PGGT1B: variants seen among roughly 807,000 people sequenced by gnomAD.
PGGT1B encodes the protein protein geranylgeranyltransferase type I subunit beta.
Under a neutral mutation model 46.1 loss-of-function variants are expected in PGGT1B, and 30 were observed. The ratio of observed to expected loss-of-function variants is 0.65; its 90% CI spans 0.49 to 0.88. The LOEUF is 0.88. PGGT1B is among the 40% of genes least tolerant of loss of function. The probability of loss-of-function intolerance (pLI) is 0.00; values close to 1 mark genes in which losing one functional copy is unlikely to be tolerated. For missense variants in PGGT1B, 376 were observed against 455.9 expected (o/e 0.82, Z 1.60); for synonymous variants, 170 against 160.0 (o/e 1.06, Z -0.47).
intron 5 of PGGT1B, among the ~76,000 whole-genome samples, chr5:115,232,697 C>T (rs991570358): frequency 6.6e-6 from 1 of 151,902 alleles, no homozygotes; most frequent in Admixed American, 6.6e-5. Context: ...ATCATTTCAG[C>T]TTGTGTGGTT....
chr5:115,234,935 C>G (rs2127008778), intron 5 of PGGT1B, among the ~76,000 whole-genome samples: 1 of 152,110 alleles, frequency 6.6e-6, no homozygotes, highest in East Asian at 1.9e-4. Flanking sequence ...GAGAAAAGGC[C>G]TAGAAGTAAT....
At chr5:115,258,213 A>G (rs72813840) in intron 1 of PGGT1B, among the ~76,000 whole-genome samples, 6,340 of 152,272 alleles carry the variant, frequency 0.042, 136 homozygotes, top group South Asian at 0.058. Flanking sequence ...TACATGAATC[A>G]TCTTCTTCCT....
At chr5:115,255,240 T>C (rs1748263553) in intron 1 of PGGT1B, among the ~76,000 whole-genome samples, 2 of 152,158 alleles carry the variant, frequency 1.3e-5, no homozygotes. Flanking sequence ...GCCTTTTCTA[T>C]AGACTCTTGG....
At chr5:115,261,008 T>C (rs1748534161) in intron 1 of PGGT1B, among the ~76,000 whole-genome samples, 1 of 152,236 alleles carries the variant, frequency 6.6e-6, no homozygotes, top group Non-Finnish European at 1.5e-5. Flanking sequence ...AATCACAATT[T>C]AATCAGCTCA....
chr5:115,251,487 T>A (rs572387235), intron 2 of PGGT1B, among the ~76,000 whole-genome samples: 1 of 151,872 alleles, frequency 6.6e-6, no homozygotes, highest in Admixed American at 6.6e-5. Context: ...GACCAAAAAA[T>A]TGCTCAATTA....
At chr5:115,242,318 T>G (rs976444067) in intron 2 of PGGT1B, among the ~76,000 whole-genome samples, 45 of 152,140 alleles carry the variant, frequency 3.0e-4, no homozygotes, top group African/African-American at 1.1e-3. Flanking sequence ...ATACAACAAT[T>G]ATGGTTTTAA....
chr5:115,232,532 C>G (rs1312741634), intron 5 of PGGT1B, among the ~76,000 whole-genome samples: 1 of 151,960 alleles, frequency 6.6e-6, no homozygotes, highest in African/African-American at 2.4e-5. Context: ...ACTGATTTTA[C>G]TATTTAAAAC....
At chr5:115,260,833 T>C (rs1210865933) in intron 1 of PGGT1B, among the ~76,000 whole-genome samples, 1 of 152,182 alleles carries the variant, frequency 6.6e-6, no homozygotes, top group Non-Finnish European at 1.5e-5. Context: ...TTGTGCTGTT[T>C]TACTTATGCT....
chr5:115,248,277 T>C lies in PGGT1B; in HGVS notation c.259+4860A>G, dbSNP rs188951445. On this transcript the variant is annotated intron_variant, in intron 2 of 8. Coordinates refer to ENST00000419445, the MANE Select transcript of PGGT1B (RefSeq NM_005023.4). ...AAACATGCATGGTAAACAGAGCACC[T>C]ATTGCACTGAATCAGCACATATAAG... Among the ~76,000 whole-genome samples the C allele has an allele frequency of 1.9e-3, 284 of 152,326 alleles. 1 individual carries two copies. Among genetic ancestry groups the C allele is most frequent in the Middle Eastern group, 0.01 (3 of 294 alleles).
chr5:115,254,647 A>T (rs1236606327), intron 1 of PGGT1B, among the ~76,000 whole-genome samples: 1 of 151,464 alleles, frequency 6.6e-6, no homozygotes, highest in Non-Finnish European at 1.5e-5. Flanking sequence ...TCCCTGGTGG[A>T]AAAAGACTAG....
At chr5:115,260,908 A>T (rs1748529918) in intron 1 of PGGT1B, among the ~76,000 whole-genome samples, 2 of 152,216 alleles carry the variant, frequency 1.3e-5, no homozygotes, top group Admixed American at 1.3e-4. Context: ...CCAAGCTGGA[A>T]TTTTATAAAA....
intron 2 of PGGT1B, among the ~76,000 whole-genome samples, chr5:115,244,748 G>A (rs1315688880): frequency 6.6e-6 from 1 of 151,448 alleles, no homozygotes; most frequent in Non-Finnish European, 1.5e-5. Flanking sequence ...GAGCTACCAC[G>A]CCCAGCTAAT....
chr5:115,241,627 C>T (rs1757347494), intron 2 of PGGT1B, 21 bp from the exon 3 acceptor site: 3 of 1,578,106 alleles, frequency 1.9e-6, no homozygotes. Flanking sequence ...AAAGCATGTG[C>T]TTATTTAAAG....
chr5:115,239,337 C>T (rs1318837540), intron 3 of PGGT1B, among the ~76,000 whole-genome samples: 1 of 152,148 alleles, frequency 6.6e-6, no homozygotes, highest in African/African-American at 2.4e-5. Context: ...AGCCACTGTG[C>T]CTGGCCAGAT....
chr5:115,256,545 G>A (rs573873113), intron 1 of PGGT1B, among the ~76,000 whole-genome samples: 1 of 152,274 alleles, frequency 6.6e-6, no homozygotes, highest in African/African-American at 2.4e-5. Context: ...CAGAGTTATG[G>A]TGAATGGCTT....
chr5:115,255,703 T>C (rs914539835), intron 1 of PGGT1B, among the ~76,000 whole-genome samples: 1 of 152,122 alleles, frequency 6.6e-6, no homozygotes, highest in Non-Finnish European at 1.5e-5. Context: ...CAAAAGGCTA[T>C]AAAAACAAGT....
At position 115,212,352 on chromosome 5, in the gene PGGT1B, T is replaced by G; in HGVS notation, c.*50A>C. The G allele has an allele frequency of 6.2e-7, 1 of 1,607,262 alleles. No homozygotes were observed. The highest frequency in any genetic ancestry group is 8.5e-7 in the Non-Finnish European group (1 of 1,176,928). ...CTTGGTTATACATGGCTTTTAAACT[T>G]GAGCTACAGTTATGCTACAAATCCC... On this transcript the variant is annotated 3_prime_UTR_variant, in exon 9 of 9. Coordinates refer to ENST00000419445, the MANE Select transcript of PGGT1B (RefSeq NM_005023.4).
chr5:115,219,790 A>G (rs904086619), intron 7 of PGGT1B, among the ~76,000 whole-genome samples: 1 of 151,846 alleles, frequency 6.6e-6, no homozygotes, highest in Non-Finnish European at 1.5e-5. Context: ...GAATAGATAT[A>G]TCTCCCAAGA....
chr5:115,234,970 C>T (rs909800335), intron 5 of PGGT1B, among the ~76,000 whole-genome samples: 2 of 151,984 alleles, frequency 1.3e-5, no homozygotes, highest in Admixed American at 6.6e-5. Context: ...AATGAGCATA[C>T]TTAGTACCCA....
Sources: gnomAD v4.1 joint callset for allele counts (sites outside exome capture counted in the v4.1 genomes callset) on GRCh38, gnomAD v4.1.1 for gene constraint, MANE v1.5 for transcripts, NCBI Gene and HGNC (gene_info 2026-07-23, HGNC 2026-07-21) for gene names.